SLC9A9: variants seen among roughly 807,000 people sequenced by gnomAD.
SLC9A9 encodes the protein solute carrier family 9 member A9.
In SLC9A9, 62 loss-of-function variants were observed where a neutral mutation model predicts 77.8. The ratio of observed to expected loss-of-function variants is 0.80; its 90% CI spans 0.65 to 0.98. The LOEUF is 0.98. SLC9A9 is among the 50% of genes least tolerant of loss of function. The pLI is 0.00. For synonymous variants in SLC9A9, 320 were observed against 283.5 expected (o/e 1.13, Z -1.29); for missense variants, 775 against 774.9 (o/e 1.00, Z 0.00).
intron 4 of SLC9A9, among the ~76,000 whole-genome samples, chr3:143,708,474 T>G (rs1934052612): frequency 6.6e-6 from 1 of 152,178 alleles, no homozygotes; most frequent in South Asian, 2.1e-4. Context: ...CTCCTCACCT[T>G]TCTTTCCTCT....
rs779367189 is a variant in SLC9A9, at chr3:143,406,383, CT to C, written c.1470-24270del. Among the ~76,000 whole-genome samples, 736 of 146,718 alleles carry C rather than the reference CT, an allele frequency of 5.0e-3. 5 individuals carry two copies. Among genetic ancestry groups the C allele is most frequent in the African/African-American group, 0.015 (608 of 40,330 alleles). On this transcript the variant is annotated intron_variant, in intron 12 of 15. Coordinates refer to ENST00000316549, the MANE Select transcript of SLC9A9 (RefSeq NM_173653.4). ...CACTAAGATTTTATTTTTCCTGTAT[CT>C]TTTTTTTTTTGAGATGGAATCTCAC...
At chr3:143,574,710 G>T (rs770135438) in intron 7 of SLC9A9, among the ~76,000 whole-genome samples, 10 of 151,848 alleles carry the variant, frequency 6.6e-5, no homozygotes, top group Non-Finnish European at 1.3e-4. Context: ...ATGCCCTCTT[G>T]GTATAAGTAG....
chr3:143,306,915 C>T (rs2030813034), intron 14 of SLC9A9, among the ~76,000 whole-genome samples: 1 of 152,186 alleles, frequency 6.6e-6, no homozygotes, highest in Non-Finnish European at 1.5e-5. Context: ...TCCTCCTGGC[C>T]TGTACACATG....
At position 143,740,063 on chromosome 3, in the gene SLC9A9, T is replaced by C. The variant is rs971145391; in HGVS notation, c.534-46756A>G. ...GCCATCAGGACTGTGTTATTGAAGA[T>C]GCTGACAAAGTCCAACTTCTACTAA... On this transcript the variant is annotated intron_variant, in intron 4 of 15. Transcript: ENST00000316549. Among the ~76,000 whole-genome samples the C allele has an allele frequency of 3.9e-5, 6 of 152,318 alleles. No homozygotes were observed. In the South Asian group the frequency reaches 1.0e-3, roughly 26 times the overall value.
chr3:143,656,260 T>C (rs1041807587), intron 5 of SLC9A9, among the ~76,000 whole-genome samples: 49 of 152,162 alleles, frequency 3.2e-4, no homozygotes, highest in Non-Finnish European at 5.4e-4. Context: ...ACTAAAATGA[T>C]ATAATATTTT....
chr3:143,281,718 A>G (rs1452710616), intron 14 of SLC9A9, among the ~76,000 whole-genome samples: 2 of 152,234 alleles, frequency 1.3e-5, no homozygotes, highest in African/African-American at 4.8e-5. Context: ...CAATAGGCCT[A>G]TGTGCCTTGA....
chr3:143,698,748 G>A (rs1035529101), intron 4 of SLC9A9, among the ~76,000 whole-genome samples: 4 of 152,036 alleles, frequency 2.6e-5, no homozygotes, highest in East Asian at 1.9e-4. Context: ...TAGATCACCC[G>A]AAAAGGCAGT....
chr3:143,327,591 A>G (rs952197023), intron 14 of SLC9A9, among the ~76,000 whole-genome samples: 1 of 151,702 alleles, frequency 6.6e-6, no homozygotes, highest in Non-Finnish European at 1.5e-5. Context: ...ACCCACTCCT[A>G]CTCTTAGCCC....
intron 4 of SLC9A9, among the ~76,000 whole-genome samples, chr3:143,791,449 T>C (rs2008221083): frequency 6.6e-6 from 1 of 152,162 alleles, no homozygotes; most frequent in African/African-American, 2.4e-5. Context: ...CCAGTAGAGT[T>C]TCATTCATGT....
chr3:143,587,237 A>C (rs546211097), intron 6 of SLC9A9, among the ~76,000 whole-genome samples: 2 of 152,250 alleles, frequency 1.3e-5, no homozygotes, highest in Non-Finnish European at 2.9e-5. Flanking sequence ...TTAGCACTGA[A>C]GGTACTGCAG....
At chr3:143,817,536 C>A (rs1339370048) in intron 2 of SLC9A9, among the ~76,000 whole-genome samples, 1 of 152,116 alleles carries the variant, frequency 6.6e-6, no homozygotes, top group African/African-American at 2.4e-5. Context: ...ATTTTCCTAT[C>A]CTGATGTCAT....
intron 6 of SLC9A9, among the ~76,000 whole-genome samples, chr3:143,586,494 G>C (rs1366784060): frequency 1.3e-5 from 2 of 152,130 alleles, no homozygotes; most frequent in Non-Finnish European, 2.9e-5. Context: ...GGTGTCACAG[G>C]TAGGAAGCAA....
chr3:143,688,264 T>C (rs1250827324), intron 5 of SLC9A9, among the ~76,000 whole-genome samples: 1 of 151,902 alleles, frequency 6.6e-6, no homozygotes, highest in Non-Finnish European at 1.5e-5. Context: ...ATTTTTTTTT[T>C]CCATTTTAAT....
chr3:143,372,596 CAACTAA>C (rs1173693087), intron 13 of SLC9A9, among the ~76,000 whole-genome samples: 1 of 152,170 alleles, frequency 6.6e-6, no homozygotes, highest in African/African-American at 2.4e-5. Flanking sequence ...AAAGCAAATG[CAACTAA>C]AACAAAAATA....
intron 5 of SLC9A9, among the ~76,000 whole-genome samples, chr3:143,652,730 C>T (rs2038818840): frequency 6.6e-6 from 1 of 151,192 alleles, no homozygotes. Flanking sequence ...TCTACTATGG[C>T]AGCAATTCCT....
intron 11 of SLC9A9, among the ~76,000 whole-genome samples, chr3:143,475,219 G>A (rs971928492): frequency 6.6e-6 from 1 of 150,740 alleles, no homozygotes; most frequent in Non-Finnish European, 1.5e-5. Context: ...TACCCGCCTC[G>A]GCCTCCCAAA....
intron 14 of SLC9A9, among the ~76,000 whole-genome samples, chr3:143,304,147 C>T (rs1362405247): frequency 3.9e-5 from 6 of 152,164 alleles, no homozygotes; most frequent in African/African-American, 1.4e-4. Flanking sequence ...TGGGTCTCTT[C>T]CTGCCACATA....
chr3:143,296,942 T>G (rs1438219071), intron 14 of SLC9A9, among the ~76,000 whole-genome samples: 2 of 152,198 alleles, frequency 1.3e-5, no homozygotes, highest in Non-Finnish European at 1.5e-5. Context: ...ATCAGATACA[T>G]AGTTTGCAAA....
chr3:143,401,775 T>C (rs1204991453), intron 12 of SLC9A9, among the ~76,000 whole-genome samples: 1 of 152,176 alleles, frequency 6.6e-6, no homozygotes. Flanking sequence ...GTGCAGATCA[T>C]ATCATAAGAT....
Sources: allele counts gnomAD v4.1 joint callset (sites outside exome capture counted in the v4.1 genomes callset), GRCh38; gene constraint gnomAD v4.1.1; transcripts MANE v1.5; gene names NCBI Gene and HGNC (gene_info 2026-07-23, HGNC 2026-07-21).